The following TMEM217B variants were observed in gnomAD, a reference collection of about 807,000 sequenced individuals.
TMEM217B encodes the protein putative transmembrane protein 217B.
At chr6:37,221,190 C>CT in the TMEM217B span, among the ~76,000 whole-genome samples, 8,926 of 143,434 alleles carry the variant, frequency 0.062, 297 homozygotes, top group Middle Eastern at 0.11. Flanking sequence ...TAAGTGGAGT[C>CT]TTTTTTTTTT....
At chr6:37,250,309 G>C in the TMEM217B span, among the ~76,000 whole-genome samples, 5 of 152,186 alleles carry the variant, frequency 3.3e-5, no homozygotes, top group Non-Finnish European at 7.4e-5. Context: ...AGGCTTCTAA[G>C]GTATTGGTAA....
At chr6:37,226,045 T>A in the TMEM217B span, among the ~76,000 whole-genome samples, 2 of 152,182 alleles carry the variant, frequency 1.3e-5, no homozygotes, top group Non-Finnish European at 2.9e-5. Flanking sequence ...CACATTATAC[T>A]ACCTAAACTT....
the TMEM217B span, among the ~76,000 whole-genome samples, chr6:37,227,591 C>T: frequency 5.3e-4 from 81 of 152,102 alleles, no homozygotes; most frequent in Middle Eastern, 3.4e-3. Flanking sequence ...GGACTACAGG[C>T]GCACACCACC....
At chr6:37,238,916 A>G in the TMEM217B span, among the ~76,000 whole-genome samples, 2 of 152,118 alleles carry the variant, frequency 1.3e-5, no homozygotes, top group African/African-American at 2.4e-5. Flanking sequence ...AGATCACCTG[A>G]AGTCAGGAGT....
At chr6:37,215,055 G>A in the TMEM217B span, 8 of 1,002,364 alleles carry the variant, frequency 8.0e-6, no homozygotes, top group Admixed American at 1.9e-4. Flanking sequence ...TCTGTATAAA[G>A]CCCACTGGTT....
chr6:37,252,699 G>T, the TMEM217B span, among the ~76,000 whole-genome samples: 1 of 143,852 alleles, frequency 7.0e-6, no homozygotes, highest in Non-Finnish European at 1.5e-5. Flanking sequence ...GAGTGCAATG[G>T]CACAATCTCG....
At chr6:37,236,183 C>CA in the TMEM217B span, among the ~76,000 whole-genome samples, 3 of 152,124 alleles carry the variant, frequency 2.0e-5, no homozygotes, top group Admixed American at 6.5e-5. Flanking sequence ...GACATGGTCT[C>CA]ACTATGTTGC....
At chr6:37,250,715 G>A in the TMEM217B span, among the ~76,000 whole-genome samples, 3 of 152,240 alleles carry the variant, frequency 2.0e-5, no homozygotes, top group African/African-American at 7.2e-5. Flanking sequence ...ACACACACAC[G>A]TGTATGTATG....
the TMEM217B span, among the ~76,000 whole-genome samples, chr6:37,229,341 T>TTTG: frequency 8.0e-6 from 1 of 124,800 alleles, no homozygotes; most frequent in Non-Finnish European, 1.7e-5. Context: ...TTCAGTTTTT[T>TTTG]TTTTTTTTTT....
At chr6:37,214,182 C>T in the TMEM217B span, among the ~76,000 whole-genome samples, 1 of 152,234 alleles carries the variant, frequency 6.6e-6, no homozygotes, top group Non-Finnish European at 1.5e-5. Context: ...AGTACATTCA[C>T]GTTGTCGTGC....
the TMEM217B span, among the ~76,000 whole-genome samples, chr6:37,225,651 G>C: frequency 6.6e-6 from 1 of 152,120 alleles, no homozygotes; most frequent in Non-Finnish European, 1.5e-5. Context: ...AAAATTTTGG[G>C]TTCCCATTGG....
At chr6:37,218,795 C>T in the TMEM217B span, 37 of 1,614,140 alleles carry the variant, frequency 2.3e-5, no homozygotes, top group African/African-American at 4.9e-4. Flanking sequence ...GAGGAAGCAG[C>T]TGATGAGGAT....
At chr6:37,215,570 C>CAAAAAAAAAAA in the TMEM217B span, among the ~76,000 whole-genome samples, 48 of 72,366 alleles carry the variant, frequency 6.6e-4, no homozygotes, top group African/African-American at 1.7e-3. Flanking sequence ...GACTCTGTCT[C>CAAAAAAAAAAA]AAAAAAAAAA....
chr6:37,250,674 A>C, the TMEM217B span, among the ~76,000 whole-genome samples: 1 of 152,240 alleles, frequency 6.6e-6, no homozygotes, highest in African/African-American at 2.4e-5. Flanking sequence ...CATCACAACC[A>C]AGTATCTCTC....
the TMEM217B span, among the ~76,000 whole-genome samples, chr6:37,236,433 A>G: frequency 6.6e-6 from 1 of 152,106 alleles, no homozygotes; most frequent in Non-Finnish European, 1.5e-5. Context: ...TTGCCCTCCC[A>G]GGTTCAATCC....
the TMEM217B span, among the ~76,000 whole-genome samples, chr6:37,246,719 A>G: frequency 6.6e-6 from 1 of 152,136 alleles, no homozygotes; most frequent in Non-Finnish European, 1.5e-5. Context: ...CCTGGGCAAC[A>G]TAGTGAGACC....
the TMEM217B span, among the ~76,000 whole-genome samples, chr6:37,250,963 G>C: frequency 2.0e-5 from 3 of 152,290 alleles, no homozygotes; most frequent in East Asian, 3.9e-4. Flanking sequence ...AAGGTATTTG[G>C]GAGGTGATGA....
At chr6:37,214,130 C>T in the TMEM217B span, among the ~76,000 whole-genome samples, 1 of 152,216 alleles carries the variant, frequency 6.6e-6, no homozygotes, top group Non-Finnish European at 1.5e-5. Flanking sequence ...ATGTAAAATT[C>T]ACCACTTTAG....
chr6:37,235,826 T>C, the TMEM217B span, among the ~76,000 whole-genome samples: 1 of 152,316 alleles, frequency 6.6e-6, no homozygotes, highest in East Asian at 1.9e-4. Flanking sequence ...TAGTTCCCTC[T>C]AGTCCTTTTA....
Sources: allele counts gnomAD v4.1 joint callset (sites outside exome capture counted in the v4.1 genomes callset), GRCh38; gene constraint gnomAD v4.1.1; transcripts MANE v1.5; gene names NCBI Gene and HGNC (gene_info 2026-07-23, HGNC 2026-07-21).